ARHGEF18: variants seen among roughly 807,000 people sequenced by gnomAD.
ARHGEF18 encodes the protein rho guanine nucleotide exchange factor 18.
ARHGEF18 carries 93 observed loss-of-function variants against 155.7 expected under a neutral mutation model. The observed-to-expected ratio is 0.60, with a 90% CI of 0.50 to 0.71. ARHGEF18 has a LOEUF of 0.71. Among genes scored for constraint, ARHGEF18 ranks in the 30% least tolerant of loss-of-function variants. The pLI, the probability that ARHGEF18 is intolerant of heterozygous loss-of-function variation, is 0.00. For missense variants in ARHGEF18, 1,593 were observed against 1,816.1 expected (o/e 0.88, Z 2.23); for synonymous variants, 742 against 753.1 (o/e 0.99, Z 0.24).
rs1015786833 is a variant in ARHGEF18 at position 7,395,351 on chromosome 19, G to T, written c.967+12148G>T. 2.0e-6 allele frequency: 2 copies of T among 978,878 alleles called. No individual in the cohort carries two copies. Among genetic ancestry groups the T allele is most frequent in the East Asian group, 2.3e-4 (2 of 8,764 alleles). 60.6% of individuals were successfully genotyped at this position (978,878 alleles called of 1,614,324 possible). On this transcript the variant is annotated intron_variant, in intron 10 of 28. Transcript: ENST00000668164. The surrounding 1 kb of genome is among the most constrained non-coding windows in gnomAD (Gnocchi z 5.0). ...GGCGCGGGACCCCCGGGGCTGCCTC[G>T]GGCCTCCCGCCGGCTCCTGGGGGAC...
In ARHGEF18 at chr19:7,467,592, G is replaced by GTGGAGCGCGAGC; in HGVS notation, c.3389_3400dup (p.Glu1133_Arg1134insLeuGluArgGlu). 1 of 1,506,228 alleles carries GTGGAGCGCGAGC rather than the reference G, an allele frequency of 6.6e-7. No individual in the cohort carries two copies. Among genetic ancestry groups the GTGGAGCGCGAGC allele is most frequent in the Non-Finnish European group, 8.8e-7 (1 of 1,135,632 alleles). 93.3% of individuals were successfully genotyped at this position (1,506,228 alleles called of 1,614,324 possible). A position where few individuals can be genotyped will look rare whatever the true frequency, so the allele number is the denominator to read the frequency against. On this transcript the variant is annotated inframe_insertion, in exon 26 of 29. Transcript: ENST00000668164. ...GCGGCTGCGCGAGGCCCAGCGTGCCGTGGAGCGCGAGCGGGAGCGCCTGGA... is the reference window on the plus strand; with the variant it reads ...GCGGCTGCGCGAGGCCCAGCGTGCCGTGGAGCGCGAGCTGGAGCGCGAGCGGGAGCGCCTGGA...
chr19:7,436,197 CTTTTT>C (rs567879436), intron 10 of ARHGEF18, among the ~76,000 whole-genome samples: 1 of 78,568 alleles, frequency 1.3e-5, no homozygotes, highest in East Asian at 5.0e-4. Flanking sequence ...AGCATTTCTT[CTTTTT>C]TTTTTTTTTT....
intron 10 of ARHGEF18, among the ~76,000 whole-genome samples, chr19:7,431,529 A>AAAAAAAAAAAAG (rs901539858): frequency 4.8e-5 from 7 of 146,958 alleles, no homozygotes; most frequent in East Asian, 4.0e-4. Flanking sequence ...AAAAAAAAAA[A>AAAAAAAAAAAAG]AAAAGGCCGG....
rs776663840 is a variant in ARHGEF18, at chr19:7,440,300, G to T, written c.968-44G>T. On this transcript the variant is annotated intron_variant, in intron 10 of 28. Transcript: ENST00000668164. The surrounding 1 kb of genome is among the most constrained non-coding windows in gnomAD (Gnocchi z 5.4). The stretch of plus-strand genomic sequence containing the variant: ...TCCGCGCCGGGGACCTCCGCTACCC[G>T]ACCCACTTTCTCAGCACCAACTCTG... 6.3e-7 allele frequency: 1 copy of T among 1,592,826 alleles called. No homozygotes were observed. Among genetic ancestry groups the T allele is most frequent in the Admixed American group, 1.8e-5 (1 of 55,708 alleles).
At chr19:7,473,808 CAAAAAAAAAAAAAA>C (rs35797777), downstream of ARHGEF18, among the ~76,000 whole-genome samples, 1 of 79,634 alleles carries the variant, frequency 1.3e-5, no homozygotes, top group Non-Finnish European at 2.3e-5. Context: ...GACTCCGTCT[CAAAAAAAAAAAAAA>C]AAAAAAAAAA....
At chr19:7,397,649 C>T (rs972102439) in intron 10 of ARHGEF18, among the ~76,000 whole-genome samples, 1 of 151,750 alleles carries the variant, frequency 6.6e-6, no homozygotes, top group Non-Finnish European at 1.5e-5. Flanking sequence ...AGGAGAATGG[C>T]GTGAACCCGG....
intron 18 of ARHGEF18, among the ~76,000 whole-genome samples, chr19:7,457,943 G>C (rs1975949061): frequency 6.6e-6 from 1 of 151,996 alleles, no homozygotes; most frequent in Non-Finnish European, 1.5e-5. Context: ...GTGTGTATGT[G>C]CATTGCCGAC....
At position 7,463,639 on chromosome 19, in the gene ARHGEF18, GAAGT is replaced by G. The variant is rs1976427949; in HGVS notation, c.2636-175_2636-172del. Among the ~76,000 whole-genome samples the G allele has an allele frequency of 6.6e-6, 1 of 152,218 alleles. No homozygotes were observed. The highest frequency in any genetic ancestry group is 2.1e-4 in the South Asian group (1 of 4,830). ...TTGGCCTGTCCTGGTGGCCATACCTGAAGTAAGGGTGTGCGCAGGGACAGTGGGG... is the reference window on the plus strand; with the variant it reads ...TTGGCCTGTCCTGGTGGCCATACCTGAAGGGTGTGCGCAGGGACAGTGGGG... On this transcript the variant is annotated intron_variant, in intron 21 of 28. Transcript: ENST00000668164. This position sits in a 1 kb window ranked among gnomAD's most constrained non-coding sequence, Gnocchi z 5.2.
chr19:7,426,869 T>C (rs1973698343), intron 10 of ARHGEF18, among the ~76,000 whole-genome samples: 1 of 152,194 alleles, frequency 6.6e-6, no homozygotes, highest in Admixed American at 6.6e-5. Flanking sequence ...AGTTTCTCAC[T>C]GTGGACTCTT....
chr19:7,475,301 C>T (rs375838659), downstream of ARHGEF18, among the ~76,000 whole-genome samples: 1 of 152,262 alleles, frequency 6.6e-6, no homozygotes, highest in East Asian at 1.9e-4. Flanking sequence ...TTGAAAACCA[C>T]TGGACCAGAA....
intron 18 of ARHGEF18, among the ~76,000 whole-genome samples, chr19:7,457,883 G>A (rs997945452): frequency 1.3e-5 from 2 of 152,090 alleles, no homozygotes; most frequent in Non-Finnish European, 2.9e-5. Flanking sequence ...ACAGAGATGG[G>A]TTTATCTGTT....
chr19:7,431,537 C>T (rs890861343), intron 10 of ARHGEF18, among the ~76,000 whole-genome samples: 4 of 137,420 alleles, frequency 2.9e-5, no homozygotes, highest in Non-Finnish European at 6.1e-5. Context: ...AAAAAAAGGC[C>T]GGGCTCAGTG....
chr19:7,438,075 CT>C (rs1296079175), intron 10 of ARHGEF18, among the ~76,000 whole-genome samples: 68 of 133,402 alleles, frequency 5.1e-4, no homozygotes, highest in African/African-American at 1.7e-3. Flanking sequence ...CTCCCCTCCC[CT>C]CCCCTCCCTT....
At chr19:7,355,803 A>G in intron 1 of ARHGEF18, 1 of 760,184 alleles carries the variant, frequency 1.3e-6, no homozygotes, top group Non-Finnish European at 1.6e-6. Flanking sequence ...TGGCTGCAGT[A>G]CAGACTCTGC....
rs113555255 is a variant in ARHGEF18, at chr19:7,377,076, C to CTTT, written c.541+329_541+331dup. 7.3e-4 allele frequency among the ~76,000 whole-genome samples: 107 copies of CTTT among 147,056 alleles called. No individual in the cohort carries two copies. In the East Asian group the frequency reaches 0.012, roughly 17 times the overall value. On this transcript the variant is annotated intron_variant, in intron 5 of 28. Transcript: ENST00000668164. ...AAGATTCTCTCTTCTCTCTATGACT[C>CTTT]TTTTTTTTTTTTGAGATAGAGTCTT...
At chr19:7,393,047 CAAAAAAAAA>C (rs60015151) in intron 10 of ARHGEF18, among the ~76,000 whole-genome samples, 47 of 56,676 alleles carry the variant, frequency 8.3e-4, no homozygotes, top group Admixed American at 2.7e-3. Flanking sequence ...GATCCTGTCT[CAAAAAAAAA>C]AAAAAAAAAA....
rs374185509 is a variant in ARHGEF18 at position 7,462,216 on chromosome 19, G to C, written c.2517G>C (p.Leu839=). The part of the protein sequence containing the change: ...QSLLEKQQIY[L]EMAEMGGLED... Reference sequence around the variant, plus strand: ...TCCTAGAGAAACAGCAGATCTACCTGGAGATGGCCGAGATGGGCGGCCTCG... The same window carrying C: ...TCCTAGAGAAACAGCAGATCTACCTCGAGATGGCCGAGATGGGCGGCCTCG... Residue 839 remains leucine, a synonymous_variant, in exon 21 of 29, where the codon CTG becomes CTC. Coordinates refer to ENST00000668164, the MANE Select transcript of ARHGEF18 (RefSeq NM_001367823.1). This position sits in a 1 kb window ranked among gnomAD's most constrained non-coding sequence, Gnocchi z 4.4. The C allele has an allele frequency of 1.9e-6, 3 of 1,613,900 alleles. No individual in the cohort carries two copies. The African/African-American group carries it at 4.0e-5, about 22-fold the overall frequency.
At chr19:7,381,166 G>C (rs1246687930) in intron 8 of ARHGEF18, among the ~76,000 whole-genome samples, 172 bp downstream of exon 8, 2 of 152,160 alleles carry the variant, frequency 1.3e-5, no homozygotes, top group South Asian at 2.1e-4. Context: ...TACCCTGAGA[G>C]GACAGAGGAA....
chr19:7,365,140 T>G (rs1969827818), intron 2 of ARHGEF18, among the ~76,000 whole-genome samples: 2 of 152,220 alleles, frequency 1.3e-5, no homozygotes, highest in African/African-American at 2.4e-5. Context: ...GGCTCGTGCC[T>G]GTAATCACAG....
Sources: gnomAD v4.1 joint callset for allele counts (sites outside exome capture counted in the v4.1 genomes callset) on GRCh38, gnomAD v4.1.1 for gene constraint, Gnocchi (gnomAD v3.1) non-coding constraint, MANE v1.5 for transcripts, NCBI Gene and HGNC (gene_info 2026-07-23, HGNC 2026-07-21) for gene names.